EFR3B: variants seen among roughly 807,000 people sequenced by gnomAD.
EFR3B encodes the protein EFR3 homolog B, also known as protein EFR3 homolog B.
EFR3B carries 64 observed loss-of-function variants against 104.7 expected under a neutral mutation model. The ratio of observed to expected loss-of-function variants is 0.61; its 90% CI spans 0.50 to 0.75. The LOEUF (loss-of-function observed/expected upper bound fraction) is 0.75, where lower values mean the gene tolerates loss of function less well. Ranked by LOEUF, EFR3B falls within the 30% of genes least tolerant of loss-of-function variation. The probability of loss-of-function intolerance (pLI) is 0.00; values close to 1 mark genes in which losing one functional copy is unlikely to be tolerated. For missense variants in EFR3B, 750 were observed against 1,078.5 expected (o/e 0.70, Z 4.27); for synonymous variants, 385 against 417.9 (o/e 0.92, Z 0.96).
chr2:25,089,107 T>A (rs954789758), intron 1 of EFR3B, among the ~76,000 whole-genome samples: 21 of 152,148 alleles, frequency 1.4e-4, no homozygotes, highest in Admixed American at 6.5e-4. Flanking sequence ...GCTCCCCTTC[T>A]GGAATACAAG....
At chr2:25,059,572 C>CGGGGGGGGGGGGGGGGGGG (rs56219617) in intron 1 of EFR3B, among the ~76,000 whole-genome samples, 1 of 60,214 alleles carries the variant, frequency 1.7e-5, no homozygotes, top group African/African-American at 6.5e-5. Context: ...CCAGGGACTG[C>CGGGGGGGGGGGGGGGGGGG]GGGGGGGGGG....
chr2:25,118,724 T>TA (rs1208806738), intron 4 of EFR3B, among the ~76,000 whole-genome samples: 2 of 9,018 alleles, frequency 2.2e-4, no homozygotes, highest in African/African-American at 3.3e-4. Flanking sequence ...ACCCTGTCTC[T>TA]ACAAAAAAAA....
chr2:25,096,655 CTG>C (rs939454269), intron 3 of EFR3B, among the ~76,000 whole-genome samples: 27 of 152,222 alleles, frequency 1.8e-4, no homozygotes, highest in African/African-American at 6.5e-4. Flanking sequence ...CTGGCTGGCT[CTG>C]TGGGTCTTTC....
chr2:25,145,202 A>G (rs1670782487), intron 19 of EFR3B, 151 bp downstream of exon 19: 1 of 698,386 alleles, frequency 1.4e-6, no homozygotes, highest in Non-Finnish European at 2.5e-6. Context: ...CTCCCCACGT[A>G]TGCGTCATAG....
At chr2:25,145,395 AC>A (rs915664771) in intron 19 of EFR3B, 2 of 395,936 alleles carry the variant, frequency 5.1e-6, no homozygotes, top group Non-Finnish European at 9.0e-6. Flanking sequence ...ATATAAGGAG[AC>A]CCCATCTCTA....
At chr2:25,081,551 G>T in intron 1 of EFR3B, 1 of 981,320 alleles carries the variant, frequency 1.0e-6, no homozygotes, top group South Asian at 1.3e-5. Context: ...TGCTATTGCT[G>T]CTGTACTTGG....
At chr2:25,118,560 A>T (rs952533476) in intron 4 of EFR3B, among the ~76,000 whole-genome samples, 1 of 152,064 alleles carries the variant, frequency 6.6e-6, no homozygotes, top group African/African-American at 2.4e-5. Flanking sequence ...AGGAGGGAAG[A>T]GGAAAGAAAG....
chr2:25,049,320 G>A (rs1033491967), intron 1 of EFR3B, among the ~76,000 whole-genome samples: 2 of 152,122 alleles, frequency 1.3e-5, no homozygotes, highest in Admixed American at 1.3e-4. Context: ...TTAACTACTT[G>A]CCTGTCTTTT....
chr2:25,131,222 G>C lies in EFR3B; in HGVS notation c.850-146G>C, dbSNP rs77614210. 63,547 of 1,090,246 alleles carry C rather than the reference G, an allele frequency of 0.058. 4,013 individuals carry two copies. The highest frequency in any genetic ancestry group is 0.29 in the East Asian group (10,931 of 38,226). The allele number at this position is 1,090,246 out of a possible 1,614,324, so 67.5% of individuals were successfully genotyped here. A position where few individuals can be genotyped will look rare whatever the true frequency, so the allele number is the denominator to read the frequency against. On this transcript the variant is annotated intron_variant, in intron 8 of 22. Transcript: ENST00000403714. This position sits in a 1 kb window ranked among gnomAD's most constrained non-coding sequence, Gnocchi z 7.6. ...GGAGAAGGGAAGGATCCAGTAAAGG[G>C]CACGAGGTGTCAGTGCCAACTGCAG... is the stretch of plus-strand genomic sequence containing the variant.
intron 21 of EFR3B, among the ~76,000 whole-genome samples, chr2:25,152,813 AGTGTGTGTGTGTGTGT>A (rs60834744): frequency 5.7e-5 from 8 of 141,352 alleles, no homozygotes; most frequent in African/African-American, 1.5e-4. Context: ...TTCATATAGA[AGTGTGTGTGTGTGTGT>A]GTGTGTGTGT....
At chr2:25,110,501 G>T (rs556683892) in intron 4 of EFR3B, among the ~76,000 whole-genome samples, 1 of 152,028 alleles carries the variant, frequency 6.6e-6, no homozygotes, top group Non-Finnish European at 1.5e-5. Context: ...GTCCCAGGGG[G>T]CTTCTTCCAC....
chr2:25,102,825 A>G (rs1669461135), intron 3 of EFR3B, among the ~76,000 whole-genome samples: 1 of 152,240 alleles, frequency 6.6e-6, no homozygotes, highest in Non-Finnish European at 1.5e-5. Context: ...CTTAGTTAAC[A>G]TAGGGAACAT....
At chr2:25,129,500 A>T (rs1670271203) in intron 6 of EFR3B, among the ~76,000 whole-genome samples, 1 of 151,902 alleles carries the variant, frequency 6.6e-6, no homozygotes, top group East Asian at 1.9e-4. Context: ...ACTCCCTGTG[A>T]CTTGAGTATC....
rs879640635 is a variant in EFR3B, at chr2:25,054,326, AT to A, written c.7+12019del. ...GATATTATTACCATGCAAGTAATTC[AT>A]TTTTTTTTTTTGGAGATGGAGTCTC... On this transcript the variant is annotated intron_variant, in intron 1 of 22. Transcript: ENST00000403714. Among the ~76,000 whole-genome samples the A allele has an allele frequency of 1.5e-3, 218 of 145,546 alleles. 1 individual carries two copies. The highest frequency in any genetic ancestry group is 3.5e-3 in the African/African-American group (139 of 39,928).
intron 1 of EFR3B, chr2:25,079,806 A>G (rs1668739305): frequency 2.9e-6 from 2 of 695,308 alleles, no homozygotes; most frequent in Non-Finnish European, 5.3e-6. Context: ...GGCAATTACA[A>G]CCTCCACACA....
chr2:25,078,775 C>G (rs939465628), intron 1 of EFR3B, among the ~76,000 whole-genome samples: 3 of 152,186 alleles, frequency 2.0e-5, no homozygotes, highest in Non-Finnish European at 4.4e-5. Flanking sequence ...GCAGAGAGTA[C>G]GCTGTGCCTG....
rs1183880839 is a variant in EFR3B at position 25,046,591 on chromosome 2, C to CT, written c.7+4272_7+4273insT. Among the ~76,000 whole-genome samples, 29 of 148,832 alleles carry CT rather than the reference C, an allele frequency of 1.9e-4. No homozygotes were observed. The East Asian group carries it at 5.9e-3, about 30-fold the overall frequency. ...GATCTCGGCTCACTGCAGGCTCCGCCCCCTGGGGTTCACGCCATTCTCCTG... is the reference window on the plus strand; with the variant it reads ...GATCTCGGCTCACTGCAGGCTCCGCCTCCCTGGGGTTCACGCCATTCTCCTG... On this transcript the variant is annotated intron_variant, in intron 1 of 22. Transcript: ENST00000403714.
At chr2:25,143,983 A>G in intron 18 of EFR3B, 121 bp downstream of exon 18, 1 of 1,357,534 alleles carries the variant, frequency 7.4e-7, no homozygotes, top group Non-Finnish European at 9.8e-7. Flanking sequence ...ATGTCGTGAG[A>G]GCTGAAAGAC....
chr2:25,080,430 G>T (rs559031024), intron 1 of EFR3B, among the ~76,000 whole-genome samples: 29 of 151,714 alleles, frequency 1.9e-4, no homozygotes, highest in African/African-American at 7.0e-4. Context: ...GAGTAGCTGG[G>T]ATTACAGGTG....
Sources: allele counts gnomAD v4.1 joint callset (sites outside exome capture counted in the v4.1 genomes callset), GRCh38; gene constraint gnomAD v4.1.1; non-coding constraint Gnocchi (gnomAD v3.1); transcripts MANE v1.5; gene names NCBI Gene and HGNC (gene_info 2026-07-23, HGNC 2026-07-21).